IP6K1: variants seen among roughly 807,000 people sequenced by gnomAD.
IP6K1 encodes the protein inositol hexakisphosphate kinase 1.
IP6K1 carries 13 observed loss-of-function variants against 38.3 expected under a neutral mutation model. The ratio of observed to expected loss-of-function variants is 0.34; its 90% confidence interval spans 0.22 to 0.54. IP6K1 has a LOEUF of 0.54. IP6K1 is among the 20% of genes least tolerant of loss of function. The pLI, the probability that IP6K1 is intolerant of heterozygous loss-of-function variation, is 0.92. For synonymous variants in IP6K1, 212 were observed against 229.9 expected (o/e 0.92, Z 0.70); for missense variants, 397 against 599.8 (o/e 0.66, Z 3.53).
At chr3:49,754,325 GA>G (rs1351687867) in intron 1 of IP6K1, among the ~76,000 whole-genome samples, 2 of 151,652 alleles carry the variant, frequency 1.3e-5, no homozygotes, top group Non-Finnish European at 2.9e-5. Context: ...GCAATCAGCT[GA>G]AATCATGCCA....
intron 2 of IP6K1, among the ~76,000 whole-genome samples, chr3:49,740,453 A>G (rs1465588998): frequency 6.6e-6 from 1 of 152,120 alleles, no homozygotes; most frequent in Non-Finnish European, 1.5e-5. Context: ...TCTATTTCCA[A>G]AATGTTTTTC....
intron 1 of IP6K1, among the ~76,000 whole-genome samples, chr3:49,753,529 T>G (rs139939775): frequency 6.6e-6 from 1 of 152,240 alleles, no homozygotes; most frequent in African/African-American, 2.4e-5. Flanking sequence ...ATGATGATGA[T>G]GTCAGTTATA....
intron 2 of IP6K1, among the ~76,000 whole-genome samples, chr3:49,741,184 G>C (rs1260035280): frequency 1.3e-5 from 2 of 152,138 alleles, no homozygotes; most frequent in Non-Finnish European, 2.9e-5. Flanking sequence ...ATATGTAGGA[G>C]TGGAATTGCT....
chr3:49,760,624 A>C (rs2080860340), intron 1 of IP6K1, among the ~76,000 whole-genome samples: 1 of 42,618 alleles, frequency 2.3e-5, no homozygotes, highest in Non-Finnish European at 5.6e-5. Flanking sequence ...ACTTCGTCTC[A>C]AAAAAAAAAA....
chr3:49,752,176 AAAAAAT>A (rs1363069350), intron 1 of IP6K1, among the ~76,000 whole-genome samples: 1 of 151,888 alleles, frequency 6.6e-6, no homozygotes, highest in Non-Finnish European at 1.5e-5. Context: ...GGCTAACTTA[AAAAAAT>A]TTTTTTTTTT....
chr3:49,742,057 C>T (rs995506508), intron 2 of IP6K1, among the ~76,000 whole-genome samples: 11 of 151,812 alleles, frequency 7.2e-5, no homozygotes, highest in East Asian at 5.8e-4. Flanking sequence ...CCAGCCTGGG[C>T]GACACAGCAA....
At chr3:49,757,934 G>A (rs755261553) in intron 1 of IP6K1, among the ~76,000 whole-genome samples, 11 of 152,168 alleles carry the variant, frequency 7.2e-5, no homozygotes, top group Middle Eastern at 3.4e-3. Context: ...CATACATCTA[G>A]GAAAGGTGAA....
intron 1 of IP6K1, chr3:49,758,457 T>C (rs1575318973): frequency 1.3e-5 from 2 of 152,064 alleles, no homozygotes; most frequent in African/African-American, 4.8e-5. Context: ...CTGACATACC[T>C]ATCAAGGACA....
chr3:49,757,852 T>C (rs1389665804), intron 1 of IP6K1, among the ~76,000 whole-genome samples: 1 of 152,172 alleles, frequency 6.6e-6, no homozygotes, highest in Non-Finnish European at 1.5e-5. Context: ...TAGGTACAAA[T>C]CTACTACCTT....
Position 49,743,241 on chromosome 3 carries a change from TACACACACACACACAC to T in IP6K1, c.223+4561_223+4576del, listed in dbSNP as rs202144754. ...TCTCAAAACAAAAACAAAAACAAAA[TACACACACACACACAC>T]ACACACACACACACACACACACACT... On this transcript the variant is annotated intron_variant, in intron 2 of 5. Transcript: ENST00000321599. 6.6e-5 allele frequency among the ~76,000 whole-genome samples: 9 copies of T among 137,306 alleles called. No homozygotes were observed. In the East Asian group the frequency reaches 8.6e-4, roughly 13 times the overall value. The allele number at this position is 137,306 out of a possible 152,430, so 90.1% of individuals were successfully genotyped here.
rs1049942796 is a variant in IP6K1, at chr3:49,774,180, C to T, written c.-129+12174G>A. 6.6e-5 allele frequency among the ~76,000 whole-genome samples: 10 copies of T among 151,834 alleles called. No individual in the cohort carries two copies. The South Asian group carries it at 1.2e-3, about 19-fold the overall frequency. On this transcript the variant is annotated intron_variant, in intron 1 of 5. Transcript: ENST00000321599. Reference sequence around the variant, plus strand: ...CAGCACTTTGGGAGGCCAAGGCAGGCGGATCATGAGGTTAGGAGGATCGAG... The same window carrying T: ...CAGCACTTTGGGAGGCCAAGGCAGGTGGATCATGAGGTTAGGAGGATCGAG...
Position 49,727,133 on chromosome 3 carries a change from C to G in IP6K1, c.1315G>C (p.Glu439Gln). The G allele has an allele frequency of 6.2e-7, 1 of 1,603,450 alleles. No individual in the cohort carries two copies. The highest frequency in any genetic ancestry group is 8.5e-7 in the Non-Finnish European group (1 of 1,172,932). ...GCCCAGAACAGGGCCTACTGGTTCT[C>G]GTCCCGCATCTGTTCCATGATGCTG... ...LISIMEQMRD[E>Q]NQ The change falls in exon 6 of 6, where the codon GAG becomes CAG. Residue 439 changes from glutamate to glutamine, a missense_variant. Physicochemically the swap from Glu to Gln is conservative, Grantham distance 29. Around this residue, in one of 3 missense-constraint regions of IP6K1, gnomAD observed 164 missense variants for 213.5 expected, o/e 0.77. Transcript: ENST00000321599. The surrounding 1 kb of genome is among the most constrained non-coding windows in gnomAD (Gnocchi z 5.9).
At chr3:49,742,662 G>T (rs376935458) in intron 2 of IP6K1, among the ~76,000 whole-genome samples, 16 of 152,284 alleles carry the variant, frequency 1.1e-4, no homozygotes, top group South Asian at 1.0e-3. Flanking sequence ...ACATTGGGAG[G>T]CCAAGGCAGG....
intron 1 of IP6K1, among the ~76,000 whole-genome samples, chr3:49,773,980 A>AACACACAC (rs10575617): frequency 6.5e-4 from 92 of 142,260 alleles, no homozygotes; most frequent in Middle Eastern, 3.6e-3. Context: ...CTCTCTCTAA[A>AACACACAC]ACACACACAC....
intron 1 of IP6K1, among the ~76,000 whole-genome samples, chr3:49,769,752 G>A (rs944938387): frequency 6.6e-6 from 1 of 152,158 alleles, no homozygotes; most frequent in African/African-American, 2.4e-5. Flanking sequence ...GATCATTTCT[G>A]TAGGAGATAA....
At chr3:49,753,918 G>A (rs967315656) in intron 1 of IP6K1, among the ~76,000 whole-genome samples, 5 of 152,082 alleles carry the variant, frequency 3.3e-5, no homozygotes, top group African/African-American at 1.2e-4. Flanking sequence ...GCACCCAAAT[G>A]AGAATAGCCA....
chr3:49,775,557 A>G, intron 1 of IP6K1: 1 of 1,029,716 alleles, frequency 9.7e-7, no homozygotes, highest in Non-Finnish European at 1.4e-6. Context: ...CAATTTGGGG[A>G]GCTCTAAGAC....
intron 1 of IP6K1, among the ~76,000 whole-genome samples, chr3:49,767,271 C>G (rs142309112): frequency 6.6e-6 from 1 of 151,944 alleles, no homozygotes; most frequent in Admixed American, 6.6e-5. Context: ...GGATGAGACC[C>G]TATCTCTTAA....
chr3:49,762,804 ACT>A (rs2080878414), intron 1 of IP6K1, among the ~76,000 whole-genome samples: 3 of 150,850 alleles, frequency 2.0e-5, no homozygotes, highest in Non-Finnish European at 4.4e-5. Context: ...ACATAATCTT[ACT>A]CTGTGACCCA....
Sources: allele counts gnomAD v4.1 joint callset (sites outside exome capture counted in the v4.1 genomes callset), GRCh38; gene constraint gnomAD v4.1.1; regional missense constraint gnomAD v4.1.1; non-coding constraint Gnocchi (gnomAD v3.1); transcripts MANE v1.5; gene names NCBI Gene and HGNC (gene_info 2026-07-23, HGNC 2026-07-21).